Variants in CDC42BPB observed in about 807,000 individuals in gnomAD.
CDC42BPB encodes the protein CDC42 binding protein kinase beta.
In CDC42BPB, 37 loss-of-function variants were observed where a neutral mutation model predicts 214.9. The ratio of observed to expected loss-of-function variants is 0.17; its 90% confidence interval spans 0.13 to 0.23. CDC42BPB has a LOEUF of 0.23. Among genes scored for constraint, CDC42BPB ranks in the 10% least tolerant of loss-of-function variants. The pLI is 1.00. For missense variants in CDC42BPB, 1,694 were observed against 2,227.0 expected (o/e 0.76, Z 4.82); for synonymous variants, 931 against 884.0 (o/e 1.05, Z -0.94).
At chr14:103,023,547 T>A (rs1180691715) in intron 1 of CDC42BPB, among the ~76,000 whole-genome samples, 2 of 152,158 alleles carry the variant, frequency 1.3e-5, no homozygotes, top group Non-Finnish European at 2.9e-5. Context: ...GCTACAGTAA[T>A]CTTCCCACCT....
chr14:103,039,604 TAGAA>T (rs894646942), intron 1 of CDC42BPB, among the ~76,000 whole-genome samples: 9 of 151,966 alleles, frequency 5.9e-5, no homozygotes, highest in African/African-American at 2.2e-4. Context: ...AAACTAGAAA[TAGAA>T]GGAAACTTCC....
intron 1 of CDC42BPB, among the ~76,000 whole-genome samples, chr14:103,044,366 C>CTTTTT (rs869225876): frequency 7.7e-6 from 1 of 129,060 alleles, no homozygotes; most frequent in Non-Finnish European, 1.6e-5. Context: ...CAGCCGGCAC[C>CTTTTT]TTTTTTTTTT....
At chr14:103,012,293 T>C (rs1262659939) in intron 1 of CDC42BPB, 105 bp from the exon 2 acceptor site, 12 of 1,471,408 alleles carry the variant, frequency 8.2e-6, no homozygotes, top group Non-Finnish European at 1.1e-5. Context: ...TAAAAAAGTT[T>C]GTTTGAAAAT....
At chr14:102,939,778 G>A in intron 33 of CDC42BPB, 51 bp from the exon 34 acceptor site, 1 of 1,614,000 alleles carries the variant, frequency 6.2e-7, no homozygotes, top group Non-Finnish European at 8.5e-7. Context: ...GAATCCTCTT[G>A]GCCCCCTCCC....
intron 1 of CDC42BPB, among the ~76,000 whole-genome samples, chr14:103,042,552 T>C (rs1399433431): frequency 6.6e-6 from 1 of 152,142 alleles, no homozygotes; most frequent in Non-Finnish European, 1.5e-5. Flanking sequence ...CCTCGTGATC[T>C]GCCCGCCTCG....
At chr14:102,935,975 C>T (rs765174819) in intron 36 of CDC42BPB, among the ~76,000 whole-genome samples, 3 of 151,948 alleles carry the variant, frequency 2.0e-5, no homozygotes, top group Non-Finnish European at 4.4e-5. Flanking sequence ...AAAGAAGGTA[C>T]GGAAATGGCC....
chr14:103,048,344 G>C (rs1177436142), intron 1 of CDC42BPB, among the ~76,000 whole-genome samples: 2 of 151,756 alleles, frequency 1.3e-5, no homozygotes, highest in African/African-American at 4.8e-5. Context: ...AGGAGTTCAA[G>C]ATCAGCCTGG....
At chr14:102,998,954 C>T (rs1171229857) in intron 5 of CDC42BPB, among the ~76,000 whole-genome samples, 17 of 113,090 alleles carry the variant, frequency 1.5e-4, no homozygotes, top group African/African-American at 5.9e-4. Context: ...CCGGGGCCCA[C>T]GTGAGCCCCA....
At chr14:103,032,258 T>C (rs1269565233) in intron 1 of CDC42BPB, among the ~76,000 whole-genome samples, 1 of 152,182 alleles carries the variant, frequency 6.6e-6, no homozygotes, top group Admixed American at 6.5e-5. Flanking sequence ...TCGGCCTCTC[T>C]GCAACCCCGC....
At chr14:102,936,712 T>C (rs1004638824) in intron 36 of CDC42BPB, among the ~76,000 whole-genome samples, 5 of 152,216 alleles carry the variant, frequency 3.3e-5, no homozygotes, top group African/African-American at 1.2e-4. Flanking sequence ...AGGCTGGCCT[T>C]GAACTCCTCA....
intron 1 of CDC42BPB, among the ~76,000 whole-genome samples, chr14:103,018,682 G>C (rs1204468745): frequency 6.6e-6 from 1 of 152,182 alleles, no homozygotes; most frequent in Non-Finnish European, 1.5e-5. Context: ...GGTGAGGAGG[G>C]GAGTAGGGCC....
intron 1 of CDC42BPB, among the ~76,000 whole-genome samples, chr14:103,047,082 G>A (rs983086044): frequency 2.1e-4 from 32 of 151,608 alleles, no homozygotes; most frequent in South Asian, 8.4e-4. Context: ...TAAGGAGTTC[G>A]AGAACAGCTT....
chr14:103,034,062 T>C (rs1887534758), intron 1 of CDC42BPB, among the ~76,000 whole-genome samples: 1 of 152,244 alleles, frequency 6.6e-6, no homozygotes, highest in African/African-American at 2.4e-5. Context: ...TGCATCTGAT[T>C]GATACAGGCC....
intron 1 of CDC42BPB, among the ~76,000 whole-genome samples, chr14:103,015,627 A>G (rs1182551506): frequency 6.6e-6 from 1 of 152,242 alleles, no homozygotes; most frequent in Non-Finnish European, 1.5e-5. Context: ...ATAACTGCCA[A>G]CTAGGTTACT....
At position 102,938,667 on chromosome 14, in the gene CDC42BPB, C is replaced by A. The variant is rs151297061; in HGVS notation, c.4828-256G>T. On this transcript the variant is annotated intron_variant, in intron 34 of 36. Coordinates refer to ENST00000361246, the MANE Select transcript of CDC42BPB (RefSeq NM_006035.4). ...TGTTTGAGACTGAGTCTTGCTCTGT[C>A]CCCCAGGCTGGAGTGCAATGACGTG... 4.7e-5 allele frequency: 28 copies of A among 599,286 alleles called. No homozygotes were observed. In the South Asian group the frequency reaches 6.6e-4, roughly 14 times the overall value. 37.1% of individuals were successfully genotyped at this position (599,286 alleles called of 1,614,324 possible).
intron 1 of CDC42BPB, among the ~76,000 whole-genome samples, chr14:103,040,385 TA>T (rs1306485441): frequency 2.0e-5 from 3 of 152,154 alleles, no homozygotes; most frequent in Admixed American, 2.0e-4. Context: ...AAACTTTATG[TA>T]TTTTTACCCC....
At chr14:102,939,325 C>T (rs1891784721) in intron 34 of CDC42BPB, among the ~76,000 whole-genome samples, 1 of 152,254 alleles carries the variant, frequency 6.6e-6, no homozygotes, top group African/African-American at 2.4e-5. Context: ...TCATGGCAAA[C>T]GTCCTTAGGA....
At chr14:103,010,657 T>C (rs1461256148) in intron 2 of CDC42BPB, among the ~76,000 whole-genome samples, 1 of 152,178 alleles carries the variant, frequency 6.6e-6, no homozygotes, top group Non-Finnish European at 1.5e-5. Flanking sequence ...TTTTCCTCAG[T>C]GAACCAAAAG....
Position 102,950,510 on chromosome 14 carries a change from C to G in CDC42BPB, c.3265G>C (p.Asp1089His). The change falls in exon 25 of 37, where the codon GAC becomes CAC. Residue 1089 changes from aspartate (D) to histidine (H), a missense_variant. Coordinates refer to ENST00000361246, the MANE Select transcript of CDC42BPB (RefSeq NM_006035.4). ...GCTGTTCCGATGCCTCGCTGCACGTCCACGCCCAGAGGCCTCTTGGACTGC... is the reference window on the plus strand; with the variant it reads ...GCTGTTCCGATGCCTCGCTGCACGTGCACGCCCAGAGGCCTCTTGGACTGC... ...PEQSKRPLGV[D>H]VQRGIGTAYK... The G allele has an allele frequency of 6.2e-7, 1 of 1,613,322 alleles. No homozygotes were observed.
Sources: gnomAD v4.1 joint callset for allele counts (sites outside exome capture counted in the v4.1 genomes callset) on GRCh38, gnomAD v4.1.1 for gene constraint, MANE v1.5 for transcripts, NCBI Gene and HGNC (gene_info 2026-07-23, HGNC 2026-07-21) for gene names.